MAP2K6: variants seen among roughly 807,000 people sequenced by gnomAD.
MAP2K6 encodes mitogen-activated protein kinase kinase 6.
A neutral mutation model predicts 53.7 loss-of-function variants in MAP2K6; 16 were observed. That is an observed-to-expected ratio of 0.30 (90% confidence interval 0.20 to 0.45). The LOEUF (loss-of-function observed/expected upper bound fraction) is 0.45. Ranked by LOEUF, MAP2K6 falls within the 20% of genes least tolerant of loss-of-function variation. The pLI, the probability that MAP2K6 is intolerant of heterozygous loss-of-function variation, is 1.00. For missense variants in MAP2K6, 204 were observed against 411.9 expected (o/e 0.50, Z 4.37); for synonymous variants, 132 against 143.1 (o/e 0.92, Z 0.55).
chr17:69,461,077 CT>C (rs1330956750), intron 1 of MAP2K6, among the ~76,000 whole-genome samples: 1 of 152,198 alleles, frequency 6.6e-6, no homozygotes, highest in African/African-American at 2.4e-5. Flanking sequence ...CTCAATATCC[CT>C]TTCTGACTAA....
At chr17:69,490,123 G>T (rs1298533321) in intron 1 of MAP2K6, among the ~76,000 whole-genome samples, 1 of 152,174 alleles carries the variant, frequency 6.6e-6, no homozygotes, top group Non-Finnish European at 1.5e-5. Context: ...GGAACATGAA[G>T]AGTTTCAGAA....
intron 11 of MAP2K6, among the ~76,000 whole-genome samples, chr17:69,537,305 A>G (rs1226787205): frequency 6.6e-6 from 1 of 152,206 alleles, no homozygotes; most frequent in Non-Finnish European, 1.5e-5. Flanking sequence ...ATTTGTTTCA[A>G]TTATCAAGGT....
chr17:69,515,676 A>G (rs1369405642), intron 2 of MAP2K6, among the ~76,000 whole-genome samples: 3 of 152,200 alleles, frequency 2.0e-5, no homozygotes, highest in Non-Finnish European at 2.9e-5. Flanking sequence ...CCAGAATTGT[A>G]TATGTGCTGT....
At chr17:69,471,528 A>G (rs540826613) in intron 1 of MAP2K6, among the ~76,000 whole-genome samples, 4 of 152,344 alleles carry the variant, frequency 2.6e-5, no homozygotes, top group Non-Finnish European at 4.4e-5. Context: ...GGGAGAGTGG[A>G]AAGTGGGTAA....
At chr17:69,431,248 A>G (rs1906453555) in intron 1 of MAP2K6, among the ~76,000 whole-genome samples, 2 of 152,206 alleles carry the variant, frequency 1.3e-5, no homozygotes, top group African/African-American at 2.4e-5. Flanking sequence ...ACTAAAGTTC[A>G]TGCTTCTTTT....
intron 1 of MAP2K6, among the ~76,000 whole-genome samples, chr17:69,454,145 A>C (rs1907321827): frequency 1.3e-5 from 2 of 152,216 alleles, no homozygotes; most frequent in South Asian, 4.1e-4. Flanking sequence ...GCAATAAAAG[A>C]AATATCAGGA....
intron 5 of MAP2K6, 21 bp downstream of exon 5, chr17:69,519,453 A>G (rs905911911): frequency 1.2e-6 from 2 of 1,613,842 alleles, no homozygotes; most frequent in East Asian, 4.5e-5. Context: ...CTTCAATTCA[A>G]AGTCCAAGAG....
At chr17:69,532,125 C>G (rs928742683) in intron 10 of MAP2K6, among the ~76,000 whole-genome samples, 2 of 152,092 alleles carry the variant, frequency 1.3e-5, no homozygotes, top group African/African-American at 4.8e-5. Context: ...GAGGCCCACT[C>G]AAGCATCAAT....
At chr17:69,523,376 A>G in intron 7 of MAP2K6, 138 bp from the exon 8 acceptor site, 1 of 962,292 alleles carries the variant, frequency 1.0e-6, no homozygotes, top group Non-Finnish European at 1.6e-6. Flanking sequence ...TGGGTCAGGG[A>G]TGGCAGTTAC....
intron 1 of MAP2K6, among the ~76,000 whole-genome samples, chr17:69,464,038 T>A (rs1342318450): frequency 6.6e-6 from 1 of 152,144 alleles, no homozygotes; most frequent in African/African-American, 2.4e-5. Context: ...GTTTGTTGAT[T>A]GATAAATAAA....
At chr17:69,436,808 T>C (rs1262235288) in intron 1 of MAP2K6, among the ~76,000 whole-genome samples, 2 of 151,964 alleles carry the variant, frequency 1.3e-5, no homozygotes, top group Non-Finnish European at 2.9e-5. Context: ...TCTTCTTTTT[T>C]TCTTTTCTTT....
At chr17:69,429,629 T>A (rs1906393307) in intron 1 of MAP2K6, among the ~76,000 whole-genome samples, 2 of 152,244 alleles carry the variant, frequency 1.3e-5, no homozygotes, top group African/African-American at 4.8e-5. Flanking sequence ...TTATTTTCTT[T>A]ATGTGATCTG....
intron 1 of MAP2K6, chr17:69,433,716 T>G (rs1906546027): frequency 1.3e-5 from 2 of 152,224 alleles, no homozygotes; most frequent in Non-Finnish European, 2.9e-5. Flanking sequence ...AAAGTGATTA[T>G]TAACTGCTTG....
intron 1 of MAP2K6, among the ~76,000 whole-genome samples, chr17:69,483,079 T>G (rs1908405207): frequency 6.6e-6 from 1 of 151,994 alleles, no homozygotes; most frequent in South Asian, 2.1e-4. Flanking sequence ...TCTTGCAATC[T>G]GTGTTAAACA....
At chr17:69,442,622 G>A (rs567778922) in intron 1 of MAP2K6, among the ~76,000 whole-genome samples, 1 of 152,258 alleles carries the variant, frequency 6.6e-6, no homozygotes, top group Admixed American at 6.5e-5. Flanking sequence ...GGGATGGAAG[G>A]GGGAAATCCA....
intron 2 of MAP2K6, among the ~76,000 whole-genome samples, chr17:69,514,018 G>T (rs1232699724): frequency 6.6e-6 from 1 of 151,652 alleles, no homozygotes; most frequent in Non-Finnish European, 1.5e-5. Context: ...TGAGGCAGGA[G>T]AATTGCTTGA....
In MAP2K6 at chr17:69,448,289, G is replaced by C. The variant is rs371381731; in HGVS notation, c.16+33289G>C. Among the ~76,000 whole-genome samples, 15 of 151,014 alleles carry C rather than the reference G, an allele frequency of 9.9e-5. No individual in the cohort carries two copies. The East Asian group carries it at 1.8e-3, about 18-fold the overall frequency. Reference sequence around the variant, plus strand: ...TCAAGTTTAGTTTTCTGAGTGCAGAGGCCTAATTTGACTCTGTTTTTCACT... The same window carrying C: ...TCAAGTTTAGTTTTCTGAGTGCAGACGCCTAATTTGACTCTGTTTTTCACT... On this transcript the variant is annotated intron_variant, in intron 1 of 11. Coordinates refer to ENST00000590474, the MANE Select transcript of MAP2K6 (RefSeq NM_002758.4).
intron 10 of MAP2K6, among the ~76,000 whole-genome samples, chr17:69,527,972 C>G (rs1910862759): frequency 6.6e-6 from 1 of 151,910 alleles, no homozygotes; most frequent in Non-Finnish European, 1.5e-5. Flanking sequence ...AAAAAATTAA[C>G]TGGGCATGGT....
chr17:69,468,020 C>G (rs923252471), intron 1 of MAP2K6, among the ~76,000 whole-genome samples: 2 of 152,074 alleles, frequency 1.3e-5, no homozygotes, highest in Non-Finnish European at 2.9e-5. Flanking sequence ...CCTGCCTTGG[C>G]CTCCCAAACT....
Sources: allele counts gnomAD v4.1 joint callset (sites outside exome capture counted in the v4.1 genomes callset), GRCh38; gene constraint gnomAD v4.1.1; transcripts MANE v1.5; gene names NCBI Gene and HGNC (gene_info 2026-07-23, HGNC 2026-07-21).